MEGF11: variants seen among roughly 807,000 people sequenced by gnomAD.
The protein encoded by MEGF11 is multiple EGF like domains 11.
A neutral mutation model predicts 146.6 loss-of-function variants in MEGF11; 126 were observed. That is an observed-to-expected ratio of 0.86 (90% CI 0.74 to 1.00). The LOEUF is 1.00. Among genes scored for constraint, MEGF11 ranks in the 50% least tolerant of loss-of-function variants. The pLI is 0.00. For missense variants in MEGF11, 1,509 were observed against 1,521.2 expected (o/e 0.99, Z 0.13); for synonymous variants, 532 against 583.4 (o/e 0.91, Z 1.27).
intron 7 of MEGF11, chr15:65,971,095 G>A (rs981202550): frequency 3.4e-5 from 6 of 176,316 alleles, no homozygotes; most frequent in East Asian, 3.2e-4. Flanking sequence ...GTATGGAGAC[G>A]TGCACTTTGC....
intron 1 of MEGF11, among the ~76,000 whole-genome samples, chr15:66,228,133 T>G (rs539225655): frequency 6.6e-6 from 1 of 152,132 alleles, no homozygotes; most frequent in Non-Finnish European, 1.5e-5. Context: ...TCTCTGGGGC[T>G]GGAAAGCTGC....
chr15:66,234,895 G>T (rs2092056241), intron 1 of MEGF11, among the ~76,000 whole-genome samples: 1 of 152,042 alleles, frequency 6.6e-6, no homozygotes, highest in Admixed American at 6.5e-5. Context: ...GAGTCCCAGA[G>T]CAATCCCTGG....
intron 5 of MEGF11, chr15:66,040,091 C>T (rs577562857): frequency 6.5e-6 from 1 of 154,908 alleles, no homozygotes; most frequent in East Asian, 1.9e-4. Context: ...CAATGATGTT[C>T]GCTGGGGTTT....
intron 5 of MEGF11, among the ~76,000 whole-genome samples, chr15:65,993,236 C>T (rs2082108216): frequency 6.6e-6 from 1 of 152,172 alleles, no homozygotes. Flanking sequence ...GCACTTTCAC[C>T]TTATACCATA....
At chr15:66,215,211 C>A (rs758017638) in intron 1 of MEGF11, among the ~76,000 whole-genome samples, 1 of 152,122 alleles carries the variant, frequency 6.6e-6, no homozygotes, top group Non-Finnish European at 1.5e-5. Context: ...AGCATCTTTA[C>A]CTTCCCTCAG....
intron 1 of MEGF11, among the ~76,000 whole-genome samples, chr15:66,204,703 A>G (rs991213701): frequency 1.3e-5 from 2 of 152,220 alleles, no homozygotes; most frequent in African/African-American, 4.8e-5. Flanking sequence ...GGCCTCCATC[A>G]ACATTCATTC....
At chr15:65,938,882 A>G (rs960869119) in intron 10 of MEGF11, among the ~76,000 whole-genome samples, 2 of 152,172 alleles carry the variant, frequency 1.3e-5, no homozygotes, top group African/African-American at 4.8e-5. Context: ...AATATTGTTT[A>G]TTGAATTTTC....
chr15:66,207,854 G>A (rs535667313), intron 1 of MEGF11, among the ~76,000 whole-genome samples: 61 of 152,286 alleles, frequency 4.0e-4, no homozygotes, highest in African/African-American at 1.3e-3. Context: ...AGGCCAAGGC[G>A]GGTGGATCAT....
In MEGF11 at chr15:65,898,073, T is replaced by G; in HGVS notation, c.3284A>C (p.Gln1095Pro). 6.2e-7 allele frequency: 1 copy of G among 1,613,824 alleles called. No homozygotes were observed. The highest frequency in any genetic ancestry group is 8.5e-7 in the Non-Finnish European group (1 of 1,179,780). The change falls in exon 26 of 26, where the codon CAA becomes CCA. Residue 1095 changes from glutamine (Q) to proline (P), a missense_variant. Coordinates refer to ENST00000395614, the MANE Select transcript of MEGF11 (RefSeq NM_001385028.1). ...YEVEPTVSVV[Q>P]EGCGHNSSYI... is the part of the protein sequence containing the mutation. ...GCTGGAGTTATGACCGCAACCTTCT[T>G]GGACCACACTGACTGTGGGCTCTAA...
At chr15:65,915,022 A>C (rs559563629) in intron 19 of MEGF11, among the ~76,000 whole-genome samples, 2 of 152,184 alleles carry the variant, frequency 1.3e-5, no homozygotes, top group African/African-American at 4.8e-5. Context: ...ACCAAGGTTG[A>C]GCCCCTTTGG....
At position 65,916,929 on chromosome 15, in the gene MEGF11, G is replaced by A; in HGVS notation, c.2114C>T (p.Ala705Val). 2.6e-6 allele frequency: 4 copies of A among 1,543,756 alleles called. No homozygotes were observed. The highest frequency in any genetic ancestry group is 3.5e-6 in the Non-Finnish European group (4 of 1,142,840). The stretch of plus-strand genomic sequence containing the variant: ...GTGGCAGCTGCATGCGTGGAAGCAG[G>A]CGGGGCCCCAGAACCCGGGTGGGCA... ...QACPPGFWGPACFHACSCHNG... is the reference protein window; with the variant it reads ...QACPPGFWGPVCFHACSCHNG... Residue 705 changes from alanine (A) to valine (V), a missense_variant, in exon 17 of 26, where the codon GCC becomes GTC. Ala to Val is a moderately conservative substitution (Grantham distance 64). Transcript: ENST00000395614.
chr15:66,204,429 G>GA (rs141640612), intron 1 of MEGF11, among the ~76,000 whole-genome samples: 2,110 of 151,830 alleles, frequency 0.014, 50 homozygotes, highest in African/African-American at 0.049. Flanking sequence ...AAAAGAAAAA[G>GA]AAAAAAAAGA....
intron 1 of MEGF11, among the ~76,000 whole-genome samples, chr15:66,220,990 G>T (rs761341831): frequency 6.6e-6 from 1 of 152,210 alleles, no homozygotes; most frequent in African/African-American, 2.4e-5. Context: ...CTGTAGTTTA[G>T]TAAGTGGTAT....
intron 4 of MEGF11, among the ~76,000 whole-genome samples, chr15:66,114,821 G>A (rs2087640814): frequency 6.6e-6 from 1 of 152,224 alleles, no homozygotes; most frequent in South Asian, 2.1e-4. Flanking sequence ...TTTCAGGAGG[G>A]CTCCCAGATG....
At chr15:66,114,598 C>CAG (rs908043543) in intron 4 of MEGF11, among the ~76,000 whole-genome samples, 21 of 152,306 alleles carry the variant, frequency 1.4e-4, no homozygotes, top group African/African-American at 5.1e-4. Context: ...GCTCCATCTG[C>CAG]AGAGGCAAAA....
chr15:66,088,842 G>A lies in MEGF11; in HGVS notation c.394+5560C>T, dbSNP rs77823603. Among the ~76,000 whole-genome samples the A allele has an allele frequency of 3.4e-3, 514 of 152,248 alleles. 4 individuals carry two copies. Among genetic ancestry groups the A allele is most frequent in the African/African-American group, 0.012 (497 of 41,544 alleles). On this transcript the variant is annotated intron_variant, in intron 5 of 25. Transcript: ENST00000395614. ...TGGTTGCCAAGGGCCAGGGAAGGGGGCAACGGGGAGTTAGTGTTCAGTGAG... is the reference window on the plus strand; with the variant it reads ...TGGTTGCCAAGGGCCAGGGAAGGGGACAACGGGGAGTTAGTGTTCAGTGAG...
Position 65,982,373 on chromosome 15 carries a change from C to G in MEGF11, c.510G>C (p.Trp170Cys). 1 of 1,534,104 alleles carries G rather than the reference C, an allele frequency of 6.5e-7. No individual in the cohort carries two copies. The highest frequency in any genetic ancestry group is 8.8e-7 in the Non-Finnish European group (1 of 1,142,450). Residue 170 changes from tryptophan (W) to cysteine (C), a missense_variant, in exon 6 of 26, where the codon TGG becomes TGC. Trp to Cys is a radical substitution (Grantham distance 215). Coordinates refer to ENST00000395614, the MANE Select transcript of MEGF11 (RefSeq NM_001385028.1). This position sits in a 1 kb window ranked among gnomAD's most constrained non-coding sequence, Gnocchi z 5.6. ...CAGGTGCGCAGAGCTCCTCGCAGCGCCATCCACGGAAGCCGGCGGCGCACA... is the reference window on the plus strand; with the variant it reads ...CAGGTGCGCAGAGCTCCTCGCAGCGGCATCCACGGAAGCCGGCGGCGCACA... ...ACVCAAGFRG[W>C]RCEELCAPGT... is the part of the protein sequence containing the mutation.
chr15:66,028,793 A>T (rs2083422265), intron 5 of MEGF11, among the ~76,000 whole-genome samples: 1 of 152,246 alleles, frequency 6.6e-6, no homozygotes, highest in African/African-American at 2.4e-5. Flanking sequence ...AGAATGTAAA[A>T]TTATATGTGT....
chr15:66,058,855 C>A (rs2084783705), intron 5 of MEGF11, among the ~76,000 whole-genome samples: 1 of 152,120 alleles, frequency 6.6e-6, no homozygotes, highest in South Asian at 2.1e-4. Flanking sequence ...TCATGAAAAT[C>A]CTGAAATATC....
Sources: allele counts gnomAD v4.1 joint callset (sites outside exome capture counted in the v4.1 genomes callset), GRCh38; gene constraint gnomAD v4.1.1; non-coding constraint Gnocchi (gnomAD v3.1); transcripts MANE v1.5; gene names NCBI Gene and HGNC (gene_info 2026-07-23, HGNC 2026-07-21).